Variants in SLC39A11 observed in about 807,000 individuals in gnomAD.
SLC39A11 encodes the protein zinc transporter ZIP11.
In SLC39A11, 33 loss-of-function variants were observed where a neutral mutation model predicts 36.1. The ratio of observed to expected loss-of-function variants is 0.91; its 90% CI spans 0.69 to 1.22. The LOEUF (loss-of-function observed/expected upper bound fraction) is 1.22, where lower values mean the gene tolerates loss of function less well. SLC39A11 is among the 50% of genes most tolerant of loss of function. The probability of loss-of-function intolerance (pLI) is 0.00; values close to 1 mark genes in which losing one functional copy is unlikely to be tolerated. For synonymous variants in SLC39A11, 166 were observed against 170.3 expected (o/e 0.97, Z 0.20); for missense variants, 432 against 430.3 (o/e 1.00, Z -0.03).
chr17:72,703,135 T>C (rs1361092920), intron 7 of SLC39A11, among the ~76,000 whole-genome samples: 1 of 152,012 alleles, frequency 6.6e-6, no homozygotes, highest in Non-Finnish European at 1.5e-5. Flanking sequence ...TTGGGTTTAT[T>C]TTATAGGCTT....
At position 72,666,561 on chromosome 17, in the gene SLC39A11, G is replaced by T. The variant is rs915904870; in HGVS notation, c.672-17293C>A. On this transcript the variant is annotated intron_variant, in intron 7 of 9. Transcript: ENST00000255559. ...GCTCCTGGCCAATGCAAAACATACA[G>T]AAGGGGGCTTTCTCCCCCACTGCCC... 2.6e-5 allele frequency among the ~76,000 whole-genome samples: 4 copies of T among 152,168 alleles called. No homozygotes were observed. In the East Asian group the frequency reaches 7.7e-4, roughly 29 times the overall value.
At chr17:72,802,912 G>A (rs185373071) in intron 6 of SLC39A11, among the ~76,000 whole-genome samples, 282 of 152,304 alleles carry the variant, frequency 1.9e-3, no homozygotes, top group Middle Eastern at 0.01. Context: ...CCACCTTCAG[G>A]CTGGAAACGT....
chr17:72,716,702 C>T (rs2073381633), intron 7 of SLC39A11, among the ~76,000 whole-genome samples: 2 of 152,116 alleles, frequency 1.3e-5, no homozygotes. Flanking sequence ...GGTGTGGTGG[C>T]TCACGCCTGT....
intron 6 of SLC39A11, among the ~76,000 whole-genome samples, chr17:72,738,151 C>T (rs1006928958): frequency 8.6e-5 from 13 of 152,036 alleles, no homozygotes; most frequent in Non-Finnish European, 1.9e-4. Context: ...ACTACAGGCG[C>T]CCGCTACCAC....
chr17:73,045,006 C>A (rs149037475), intron 3 of SLC39A11, among the ~76,000 whole-genome samples: 8 of 152,082 alleles, frequency 5.3e-5, no homozygotes, highest in African/African-American at 1.9e-4. Flanking sequence ...TGTATTAGAT[C>A]TGGTTTTTAA....
chr17:73,076,936 G>A (rs550050656), intron 3 of SLC39A11, among the ~76,000 whole-genome samples: 27 of 151,488 alleles, frequency 1.8e-4, no homozygotes, highest in African/African-American at 6.5e-4. Flanking sequence ...TAGTTGTGAT[G>A]CCTCGTGCCC....
chr17:72,729,444 TATATATA>T (rs1567995147), intron 7 of SLC39A11, among the ~76,000 whole-genome samples: 1 of 7,306 alleles, frequency 1.4e-4, no homozygotes, highest in Non-Finnish European at 2.4e-4. Flanking sequence ...TATATATATA[TATATATA>T]TATATATTTT....
intron 3 of SLC39A11, among the ~76,000 whole-genome samples, chr17:73,064,503 T>C (rs1188562151): frequency 6.6e-6 from 1 of 152,166 alleles, no homozygotes; most frequent in Non-Finnish European, 1.5e-5. Context: ...TGGCTAATCC[T>C]GAGGACTCTA....
chr17:72,959,325 GTATA>G (rs1186282631), intron 4 of SLC39A11, among the ~76,000 whole-genome samples: 1,769 of 65,436 alleles, frequency 0.027, 26 homozygotes, highest in East Asian at 0.047. Flanking sequence ...GTGTGTGTGT[GTATA>G]TATATATATA....
chr17:73,085,278 G>A (rs959299353), intron 2 of SLC39A11, among the ~76,000 whole-genome samples: 2 of 151,884 alleles, frequency 1.3e-5, no homozygotes, highest in East Asian at 1.9e-4. Flanking sequence ...AGGCTGAGGC[G>A]GGCAGATCAC....
chr17:73,041,535 C>A (rs2059113121), intron 3 of SLC39A11, among the ~76,000 whole-genome samples: 2 of 152,196 alleles, frequency 1.3e-5, no homozygotes, highest in Non-Finnish European at 2.9e-5. Context: ...CATTGCAGGA[C>A]CCCCAGCCCA....
chr17:72,668,644 G>C (rs893441010), intron 7 of SLC39A11, among the ~76,000 whole-genome samples: 7 of 152,208 alleles, frequency 4.6e-5, no homozygotes, highest in Admixed American at 4.6e-4. Context: ...TGGGCATGAA[G>C]GAAGGAGAAA....
intron 6 of SLC39A11, among the ~76,000 whole-genome samples, chr17:72,801,087 C>T (rs1003151804): frequency 2.6e-5 from 4 of 152,104 alleles, no homozygotes; most frequent in Non-Finnish European, 5.9e-5. Context: ...TTTATTTATA[C>T]GAAATGTCCA....
At chr17:72,961,996 T>G (rs1430541645) in intron 4 of SLC39A11, among the ~76,000 whole-genome samples, 1 of 152,214 alleles carries the variant, frequency 6.6e-6, no homozygotes, top group African/African-American at 2.4e-5. Context: ...GCTTTATACA[T>G]GGCATCACTC....
At chr17:72,664,805 C>T (rs2070655190) in intron 7 of SLC39A11, among the ~76,000 whole-genome samples, 2 of 152,130 alleles carry the variant, frequency 1.3e-5, no homozygotes, top group African/African-American at 4.8e-5. Context: ...ATCTTCTCTC[C>T]ATTCTCTCTT....
intron 3 of SLC39A11, among the ~76,000 whole-genome samples, chr17:73,070,790 G>A (rs2060139988): frequency 6.6e-6 from 1 of 152,158 alleles, no homozygotes; most frequent in African/African-American, 2.4e-5. Flanking sequence ...GAGTTTCCCT[G>A]CACAAGCTCT....
chr17:73,015,802 G>C (rs772241272), intron 4 of SLC39A11, among the ~76,000 whole-genome samples: 45 of 152,138 alleles, frequency 3.0e-4, no homozygotes, highest in Non-Finnish European at 4.7e-4. Context: ...AGGCTGGCTG[G>C]AACTCCTGAC....
chr17:72,940,824 C>G (rs2085056011), intron 5 of SLC39A11, among the ~76,000 whole-genome samples: 1 of 152,302 alleles, frequency 6.6e-6, no homozygotes, highest in Middle Eastern at 3.4e-3. Context: ...CAACTATGGC[C>G]TGAATCACGT....
At chr17:72,935,522 T>A (rs1192725960) in intron 5 of SLC39A11, among the ~76,000 whole-genome samples, 1 of 152,228 alleles carries the variant, frequency 6.6e-6, no homozygotes, top group Non-Finnish European at 1.5e-5. Flanking sequence ...AAGAATGAGC[T>A]TTATGATATA....
Sources: allele counts gnomAD v4.1 joint callset (sites outside exome capture counted in the v4.1 genomes callset), GRCh38; gene constraint gnomAD v4.1.1; transcripts MANE v1.5; gene names NCBI Gene and HGNC (gene_info 2026-07-23, HGNC 2026-07-21).